HIVEP1: variants seen among roughly 807,000 people sequenced by gnomAD.
The protein encoded by HIVEP1 is zinc finger protein 40.
HIVEP1 carries 36 observed loss-of-function variants against 180.0 expected under a neutral mutation model. That is an observed-to-expected ratio of 0.20 (90% confidence interval 0.15 to 0.26). The LOEUF (loss-of-function observed/expected upper bound fraction) is 0.26. Among genes scored for constraint, HIVEP1 ranks in the 10% least tolerant of loss-of-function variants. HIVEP1 has a pLI of 1.00. For missense variants in HIVEP1, 3,143 were observed against 3,268.7 expected (o/e 0.96, Z 0.94); for synonymous variants, 1,239 against 1,239.0 (o/e 1.00, Z 0.00).
At chr6:12,009,668 T>C (rs1288361632), upstream of HIVEP1, among the ~76,000 whole-genome samples, 1 of 152,218 alleles carries the variant, frequency 6.6e-6, no homozygotes, top group East Asian at 1.9e-4. Flanking sequence ...AGCTACTTTA[T>C]AGTATAGCCA....
chr6:12,194,477 C>T, the HIVEP1 span, among the ~76,000 whole-genome samples: 5 of 152,056 alleles, frequency 3.3e-5, no homozygotes, highest in Non-Finnish European at 7.4e-5. Context: ...GATATTTATT[C>T]ATAAATTCAG....
the HIVEP1 span, among the ~76,000 whole-genome samples, chr6:12,202,147 A>G: frequency 6.6e-6 from 1 of 151,908 alleles, no homozygotes; most frequent in African/African-American, 2.4e-5. Context: ...CTTTTCTTCT[A>G]TATTTTATTT....
chr6:12,126,547 G>GA (rs950887851), intron 4 of HIVEP1, among the ~76,000 whole-genome samples: 2 of 152,158 alleles, frequency 1.3e-5, no homozygotes, highest in African/African-American at 4.8e-5. Flanking sequence ...TATAAAATGG[G>GA]AAAAAGTCAT....
Position 12,120,435 on chromosome 6 carries a change from G to T in HIVEP1, c.640G>T (p.Gly214Cys). The T allele has an allele frequency of 6.2e-7, 1 of 1,614,058 alleles. No individual in the cohort carries two copies. Among genetic ancestry groups the T allele is most frequent in the Admixed American group, 1.7e-5 (1 of 60,014 alleles). ...AGAACTGAGCACCTTGTCACAAAAGGGCTCACCTTGTGCAATTAAGACAGA... is the reference window on the plus strand; with the variant it reads ...AGAACTGAGCACCTTGTCACAAAAGTGCTCACCTTGTGCAATTAAGACAGA... ...EPELSTLSQK[G>C]SPCAIKTEKL... The change falls in exon 4 of 9, where the codon GGC becomes TGC. Residue 214 changes from glycine (G) to cysteine (C), a missense_variant. This residue lies in a region of HIVEP1 where 306 missense variants were observed against 310.6 expected (regional missense o/e 0.99). Transcript: ENST00000379388.
At chr6:12,074,693 G>A (rs1430810293) in intron 2 of HIVEP1, among the ~76,000 whole-genome samples, 1 of 141,956 alleles carries the variant, frequency 7.0e-6, no homozygotes, top group African/African-American at 2.5e-5. Flanking sequence ...GCTGTACGCT[G>A]GTCATGAGAT....
intron 2 of HIVEP1, among the ~76,000 whole-genome samples, chr6:12,027,173 A>G (rs2113626002): frequency 6.6e-6 from 1 of 152,324 alleles, no homozygotes. Context: ...TGGGAAATAG[A>G]GAGTTAACAC....
At chr6:12,025,937 G>T (rs1225903260) in intron 2 of HIVEP1, among the ~76,000 whole-genome samples, 1 of 152,148 alleles carries the variant, frequency 6.6e-6, no homozygotes, top group East Asian at 1.9e-4. Flanking sequence ...CCACTTGGGA[G>T]GCTAAGGCAG....
rs1388130999 is a variant in HIVEP1 at position 12,012,581 on chromosome 6, C to G, written c.-104+15C>G. ...CCTGGCAGCAGGTTCGGCGCGGGCT[C>G]CGCGGCGGGGGCGCTGCAGCTGGGG... On this transcript the variant is annotated intron_variant, in intron 1 of 8. Transcript: ENST00000379388. 5 of 145,838 alleles carry G rather than the reference C, an allele frequency of 3.4e-5. No individual in the cohort carries two copies. The highest frequency in any genetic ancestry group is 2.7e-4 in the Admixed American group (4 of 14,884). 9.0% of individuals were successfully genotyped at this position (145,838 alleles called of 1,614,324 possible). A position where few individuals can be genotyped will look rare whatever the true frequency, so the allele number is the denominator to read the frequency against.
At chr6:12,059,484 ATACTC>A (rs746186265) in intron 2 of HIVEP1, among the ~76,000 whole-genome samples, 9 of 152,328 alleles carry the variant, frequency 5.9e-5, no homozygotes, top group South Asian at 2.1e-4. Flanking sequence ...CTAGAACACT[ATACTC>A]TAACCCTAAA....
chr6:12,205,645 C>T, the HIVEP1 span, among the ~76,000 whole-genome samples: 1 of 152,120 alleles, frequency 6.6e-6, no homozygotes, highest in Non-Finnish European at 1.5e-5. Flanking sequence ...GTGTGACAAC[C>T]ATACCTACCC....
At chr6:12,153,212 G>A (rs1433706195) in intron 7 of HIVEP1, among the ~76,000 whole-genome samples, 1 of 152,060 alleles carries the variant, frequency 6.6e-6, no homozygotes, top group African/African-American at 2.4e-5. Flanking sequence ...TTGAATTCAT[G>A]CATATTTATA....
chr6:12,147,579 C>T (rs1759453017), intron 7 of HIVEP1, among the ~76,000 whole-genome samples: 1 of 149,148 alleles, frequency 6.7e-6, no homozygotes, highest in Non-Finnish European at 1.5e-5. Context: ...GGAATTTAGA[C>T]AGTAATGACA....
In HIVEP1 at chr6:12,123,121, C is replaced by T. The variant is rs749443605; in HGVS notation, c.3326C>T (p.Ser1109Leu). The T allele has an allele frequency of 2.4e-5, 38 of 1,614,052 alleles. No homozygotes were observed. The highest frequency in any genetic ancestry group is 5.0e-5 in the Admixed American group (3 of 60,008). ...GAGCAGACCATGGATCCCAAGCTGT[C>T]GACCATCATGGAACAACAGATAAGT... The part of the protein sequence containing the change: ...GPEQTMDPKL[S>L]TIMEQQISSA... Residue 1109 changes from serine (S) to leucine (L), a missense_variant, in exon 4 of 9, where the codon TCG (serine) becomes TTG (leucine). Ser to Leu is a moderately radical substitution (Grantham distance 145). Coordinates refer to ENST00000379388, the MANE Select transcript of HIVEP1 (RefSeq NM_002114.4).
In HIVEP1 at chr6:12,130,872, A is replaced by G; in HGVS notation, c.6315A>G (p.Lys2105=). 1 of 1,613,534 alleles carries G rather than the reference A, an allele frequency of 6.2e-7. No individual in the cohort carries two copies. ...GTAAGAAACCTAGCATGTTAAAGAA[A>G]CACATACGAACCCATACAGATGTCC... is the stretch of plus-strand genomic sequence containing the variant. ...IRCKKPSMLK[K]HIRTHTDVRP... is the part of the protein sequence containing the mutation. Residue 2105 remains lysine, a synonymous_variant, in exon 6 of 9, where the codon AAA becomes AAG. Coordinates refer to ENST00000379388, the MANE Select transcript of HIVEP1 (RefSeq NM_002114.4).
At chr6:12,049,421 G>A (rs932246617) in intron 2 of HIVEP1, among the ~76,000 whole-genome samples, 4 of 152,162 alleles carry the variant, frequency 2.6e-5, no homozygotes, top group Non-Finnish European at 5.9e-5. Context: ...CTTGTGGCGT[G>A]ACAGCACTGG....
intron 2 of HIVEP1, among the ~76,000 whole-genome samples, chr6:12,070,365 A>T (rs1771887613): frequency 1.3e-5 from 2 of 152,148 alleles, no homozygotes; most frequent in African/African-American, 4.8e-5. Flanking sequence ...TTGCATTATG[A>T]TGTAGAAAGC....
At chr6:12,105,073 T>A (rs1407759311) in intron 3 of HIVEP1, among the ~76,000 whole-genome samples, 1 of 152,232 alleles carries the variant, frequency 6.6e-6, no homozygotes, top group Non-Finnish European at 1.5e-5. Flanking sequence ...GTTGACAATA[T>A]CTTCCTTCAA....
At chr6:12,009,538 C>G (rs1767174527), upstream of HIVEP1, among the ~76,000 whole-genome samples, 2 of 152,172 alleles carry the variant, frequency 1.3e-5, no homozygotes, top group Non-Finnish European at 2.9e-5. Context: ...GTTGAAACTG[C>G]AGTTTACCAT....
At chr6:12,048,274 T>C (rs1770270373) in intron 2 of HIVEP1, among the ~76,000 whole-genome samples, 1 of 152,258 alleles carries the variant, frequency 6.6e-6, no homozygotes, top group Non-Finnish European at 1.5e-5. Flanking sequence ...CAGCAGGGTA[T>C]GTCAAGGCTG....
Sources: gnomAD v4.1 joint callset for allele counts (sites outside exome capture counted in the v4.1 genomes callset) on GRCh38, gnomAD v4.1.1 for gene constraint, gnomAD v4.1.1 regional missense constraint, MANE v1.5 for transcripts, NCBI Gene and HGNC (gene_info 2026-07-23, HGNC 2026-07-21) for gene names.